TBC1D22B: variants seen among roughly 807,000 people sequenced by gnomAD.
TBC1D22B encodes TBC1 domain family member 22B, also known as chromosome 6 open reading frame 197.
TBC1D22B carries 32 observed loss-of-function variants against 69.1 expected under a neutral mutation model. The ratio of observed to expected loss-of-function variants is 0.46; its 90% CI spans 0.35 to 0.62. The LOEUF (loss-of-function observed/expected upper bound fraction) is 0.62, where lower values mean the gene tolerates loss of function less well. Among genes scored for constraint, TBC1D22B ranks in the 20% least tolerant of loss-of-function variants. TBC1D22B has a pLI of 0.00. For missense variants in TBC1D22B, 462 were observed against 630.9 expected (o/e 0.73, Z 2.87); for synonymous variants, 206 against 229.8 (o/e 0.90, Z 0.94).
chr6:37,292,924 G>A lies in TBC1D22B; in HGVS notation c.982+1567G>A, dbSNP rs570611146. On this transcript the variant is annotated intron_variant, in intron 8 of 12. Transcript: ENST00000373491. ...ATATCTTGTTTTATTGAGCTTTGTA[G>A]TTACTGCATTTTTATAAATTGAAGA... 2.0e-4 allele frequency among the ~76,000 whole-genome samples: 31 copies of A among 152,124 alleles called. No individual in the cohort carries two copies. In the Middle Eastern group the frequency reaches 0.017, roughly 83 times the overall value.
chr6:37,294,597 A>T (rs1445354595), intron 8 of TBC1D22B, among the ~76,000 whole-genome samples: 1 of 152,216 alleles, frequency 6.6e-6, no homozygotes, highest in African/African-American at 2.4e-5. Flanking sequence ...GTGCTCATTT[A>T]CCATTCCAAA....
intron 2 of TBC1D22B, among the ~76,000 whole-genome samples, chr6:37,275,475 C>T (rs1359079709): frequency 6.6e-6 from 1 of 152,100 alleles, no homozygotes; most frequent in Non-Finnish European, 1.5e-5. Flanking sequence ...AGGCCCTGAC[C>T]TTCTTCTTTT....
rs555292649 is a variant in TBC1D22B at position 37,260,021 on chromosome 6, A to G, written c.56+2048A>G. Reference sequence around the variant, plus strand: ...TTGTCTTCGTTGTTTAAGGTATTCAAATATTGTCACAATTCATAATAGTTT... The same window carrying G: ...TTGTCTTCGTTGTTTAAGGTATTCAGATATTGTCACAATTCATAATAGTTT... On this transcript the variant is annotated intron_variant, in intron 1 of 12. Coordinates refer to ENST00000373491, the MANE Select transcript of TBC1D22B (RefSeq NM_017772.4). Among the ~76,000 whole-genome samples, 6 of 152,332 alleles carry G rather than the reference A, an allele frequency of 3.9e-5. No homozygotes were observed. The East Asian group carries it at 7.7e-4, about 20-fold the overall frequency.
At chr6:37,316,390 A>C (rs1486874261) in intron 10 of TBC1D22B, among the ~76,000 whole-genome samples, 1 of 152,088 alleles carries the variant, frequency 6.6e-6, no homozygotes, top group Admixed American at 6.5e-5. Context: ...GATGAGTACT[A>C]AGGTTGAGCA....
chr6:37,295,585 C>T, intron 8 of TBC1D22B: 2 of 434,574 alleles, frequency 4.6e-6, no homozygotes, highest in Admixed American at 2.5e-5. Context: ...TGATATTCAT[C>T]CAAATAATAA....
chr6:37,316,497 C>G (rs1168473139), intron 10 of TBC1D22B, among the ~76,000 whole-genome samples: 2 of 152,202 alleles, frequency 1.3e-5, no homozygotes, highest in Admixed American at 1.3e-4. Context: ...TAAAATAGTT[C>G]TGTCTGCTGG....
intron 12 of TBC1D22B, among the ~76,000 whole-genome samples, chr6:37,327,477 CAA>C (rs56160547): frequency 9.6e-5 from 5 of 52,050 alleles, no homozygotes; most frequent in Non-Finnish European, 1.3e-4. Context: ...GACTCCGACT[CAA>C]AAAAAAAAAA....
intron 6 of TBC1D22B, among the ~76,000 whole-genome samples, chr6:37,285,637 C>T (rs896224252): frequency 8.5e-5 from 13 of 152,178 alleles, no homozygotes; most frequent in African/African-American, 2.9e-4. Context: ...GGATTACAGG[C>T]GCACACCACC....
At chr6:37,300,904 T>A (rs1767546560) in intron 8 of TBC1D22B, among the ~76,000 whole-genome samples, 1 of 152,162 alleles carries the variant, frequency 6.6e-6, no homozygotes, top group South Asian at 2.1e-4. Context: ...GTACAGCAGA[T>A]CTCTAGAACA....
At chr6:37,330,222 CTTTTTTTTTTTTTTTTTTTTTTTT>C (rs67372032) in intron 12 of TBC1D22B, among the ~76,000 whole-genome samples, 3 of 75,582 alleles carry the variant, frequency 4.0e-5, no homozygotes, top group African/African-American at 1.7e-4. Flanking sequence ...TTGTCCGTTT[CTTTTTTTTTTTTTTTTTTTTTTTT>C]TTTTTTTTTT....
chr6:37,327,477 CAAAAA>C (rs56160547), intron 12 of TBC1D22B, among the ~76,000 whole-genome samples: 4 of 52,054 alleles, frequency 7.7e-5, no homozygotes, highest in Non-Finnish European at 1.3e-4. Flanking sequence ...GACTCCGACT[CAAAAA>C]AAAAAAAAAA....
chr6:37,302,231 C>T (rs1221168690), intron 8 of TBC1D22B, among the ~76,000 whole-genome samples: 1 of 152,206 alleles, frequency 6.6e-6, no homozygotes, highest in African/African-American at 2.4e-5. Context: ...CTGCTGAAGC[C>T]AGCTGCTCCT....
intron 8 of TBC1D22B, among the ~76,000 whole-genome samples, chr6:37,292,657 A>G (rs1007646099): frequency 3.9e-5 from 6 of 152,226 alleles, no homozygotes; most frequent in Non-Finnish European, 8.8e-5. Flanking sequence ...TCCATTCATT[A>G]ATCTACATTT....
Position 37,282,180 on chromosome 6 carries a change from C to A in TBC1D22B, c.422-5C>A. 2 of 1,614,020 alleles carry A rather than the reference C, an allele frequency of 1.2e-6. No homozygotes were observed. The highest frequency in any genetic ancestry group is 1.7e-6 in the Non-Finnish European group (2 of 1,179,916). On this transcript the variant is annotated splice_region_variant and splice_polypyrimidine_tract_variant and intron_variant, in intron 3 of 12. Transcript: ENST00000373491. ...CCGTTCTCTTTCTTTTTCAAATGAT[C>A]TCAGGTGATACATGCCTGAGGAACC...
chr6:37,261,956 TG>T (rs1202679259), intron 1 of TBC1D22B, among the ~76,000 whole-genome samples: 171 of 14,964 alleles, frequency 0.011, 1 homozygote, highest in African/African-American at 0.063. Flanking sequence ...TGTGTGTGTG[TG>T]TGTGTGTGTG....
chr6:37,306,103 T>C (rs1197853329), intron 8 of TBC1D22B, among the ~76,000 whole-genome samples: 2 of 152,156 alleles, frequency 1.3e-5, no homozygotes, highest in African/African-American at 4.8e-5. Context: ...AGACAGTGTG[T>C]GCGTTTGGTG....
chr6:37,308,880 TG>T (rs144355260), intron 8 of TBC1D22B, among the ~76,000 whole-genome samples: 4,784 of 149,860 alleles, frequency 0.032, 237 homozygotes, highest in African/African-American at 0.11. Context: ...GAGGCCAAGG[TG>T]GGAGTTCACT....
rs1244231700 is a variant in TBC1D22B at position 37,267,490 on chromosome 6, A to AATATATATACACTATATATATAAT, written c.57-2067_57-2044dup. Reference sequence around the variant, plus strand: ...TATATAATATATATACACTATATATAATATATATACACTATATATATAATA... The same window carrying AATATATATACACTATATATATAAT: ...TATATAATATATATACACTATATATAATATATATACACTATATATATAATATATATATACACTATATATATAATA... On this transcript the variant is annotated intron_variant, in intron 1 of 12. Coordinates refer to ENST00000373491, the MANE Select transcript of TBC1D22B (RefSeq NM_017772.4). Among the ~76,000 whole-genome samples the AATATATATACACTATATATATAAT allele has an allele frequency of 0.016, 150 of 9,586 alleles. No homozygotes were observed. The South Asian group carries it at 0.36, about 23-fold the overall frequency. The allele number at this position is 9,586 out of a possible 152,430, so 6.3% of individuals were successfully genotyped here. A position where few individuals can be genotyped will look rare whatever the true frequency, so the allele number is the denominator to read the frequency against.
chr6:37,292,661 T>C (rs570866687), intron 8 of TBC1D22B, among the ~76,000 whole-genome samples: 1 of 152,370 alleles, frequency 6.6e-6, no homozygotes, highest in Middle Eastern at 3.4e-3. Context: ...TTCATTAATC[T>C]ACATTTGAAG....
Sources: allele counts gnomAD v4.1 joint callset (sites outside exome capture counted in the v4.1 genomes callset), GRCh38; gene constraint gnomAD v4.1.1; transcripts MANE v1.5; gene names NCBI Gene and HGNC (gene_info 2026-07-23, HGNC 2026-07-21).